Variants in SLC38A1 observed in about 807,000 individuals in gnomAD.
SLC38A1 encodes the protein solute carrier family 38 member 1, also known as sodium-coupled neutral amino acid symporter 1.
Under a neutral mutation model 60.3 loss-of-function variants are expected in SLC38A1, and 18 were observed. The observed-to-expected ratio is 0.30, with a 90% CI of 0.21 to 0.44. The LOEUF (loss-of-function observed/expected upper bound fraction) is 0.44. SLC38A1 is among the 20% of genes least tolerant of loss of function. SLC38A1 has a pLI of 1.00. For missense variants in SLC38A1, 448 were observed against 587.2 expected, an observed-to-expected ratio of 0.76 and a Z score of 2.45; for synonymous variants, 196 against 212.1, an observed-to-expected ratio of 0.92 and a Z score of 0.66.
chr12:46,225,634 A>C (rs957732610), intron 5 of SLC38A1, among the ~76,000 whole-genome samples: 3 of 152,182 alleles, frequency 2.0e-5, no homozygotes, highest in African/African-American at 7.2e-5. Flanking sequence ...GTGGTTCCCA[A>C]GTAAAGGAAC....
At chr12:46,250,613 T>C (rs1439586922) in intron 1 of SLC38A1, among the ~76,000 whole-genome samples, 1 of 152,218 alleles carries the variant, frequency 6.6e-6, no homozygotes, top group Non-Finnish European at 1.5e-5. Flanking sequence ...CAAAATCTCC[T>C]TAAGCTGATA....
intron 3 of SLC38A1, among the ~76,000 whole-genome samples, chr12:46,236,462 A>G (rs1173534720): frequency 2.0e-5 from 3 of 152,132 alleles, no homozygotes; most frequent in Non-Finnish European, 2.9e-5. Flanking sequence ...GAAAGGTATT[A>G]TTATTATCCC....
intron 5 of SLC38A1, among the ~76,000 whole-genome samples, chr12:46,211,226 C>T (rs780828375): frequency 2.6e-5 from 4 of 152,298 alleles, no homozygotes; most frequent in Non-Finnish European, 5.9e-5. Flanking sequence ...AGAGCACAGG[C>T]TTCCTAGTGG....
intron 7 of SLC38A1, 32 bp from the exon 8 acceptor site, chr12:46,207,268 A>G: frequency 6.4e-7 from 1 of 1,564,198 alleles, no homozygotes; most frequent in Middle Eastern, 1.7e-4. Flanking sequence ...TTTAGAAAGA[A>G]GATACGAAGG....
chr12:46,231,540 C>G (rs1486319845), intron 3 of SLC38A1, among the ~76,000 whole-genome samples: 1 of 152,176 alleles, frequency 6.6e-6, no homozygotes, highest in African/African-American at 2.4e-5. Context: ...AATTCAATTA[C>G]CTGATCATGG....
chr12:46,194,905 T>C (rs367745129), intron 16 of SLC38A1, among the ~76,000 whole-genome samples: 3 of 152,252 alleles, frequency 2.0e-5, no homozygotes, highest in East Asian at 3.9e-4. Flanking sequence ...GAGAAGTTTG[T>C]TATTACCAAC....
intron 16 of SLC38A1, among the ~76,000 whole-genome samples, chr12:46,195,090 T>C (rs1325426536): frequency 2.0e-5 from 3 of 152,226 alleles, no homozygotes; most frequent in Non-Finnish European, 4.4e-5. Flanking sequence ...CCTTTGGTCT[T>C]TGATGTTGGT....
intron 3 of SLC38A1, among the ~76,000 whole-genome samples, chr12:46,236,663 C>G (rs564810352): frequency 6.6e-6 from 1 of 152,122 alleles, no homozygotes; most frequent in African/African-American, 2.4e-5. Context: ...TGCCTAGACA[C>G]TAGGATAGGC....
intron 16 of SLC38A1, among the ~76,000 whole-genome samples, chr12:46,191,544 A>C (rs1939145887): frequency 6.6e-6 from 1 of 152,174 alleles, no homozygotes; most frequent in South Asian, 2.1e-4. Flanking sequence ...TTTTCATGAT[A>C]TTAATTCTTC....
At chr12:46,258,086 G>A (rs917868412) in intron 1 of SLC38A1, among the ~76,000 whole-genome samples, 2 of 152,168 alleles carry the variant, frequency 1.3e-5, no homozygotes, top group Non-Finnish European at 2.9e-5. Flanking sequence ...AAGCTGTCAT[G>A]GTGCTGGTGG....
At chr12:46,238,687 A>G (rs185716582) in intron 3 of SLC38A1, among the ~76,000 whole-genome samples, 294 of 152,134 alleles carry the variant, frequency 1.9e-3, no homozygotes, top group African/African-American at 6.7e-3. Flanking sequence ...ATTTGGTTCT[A>G]CTCTTGTGAT....
In SLC38A1 at chr12:46,268,656, G is replaced by A; in HGVS notation, c.-339C>T. The A allele has an allele frequency of 4.1e-6, 1 of 241,920 alleles. No homozygotes were observed. Among genetic ancestry groups the A allele is most frequent in the Non-Finnish European group, 9.0e-6 (1 of 110,530 alleles). 15.0% of individuals were successfully genotyped at this position (241,920 alleles called of 1,614,324 possible). A position where few individuals can be genotyped will look rare whatever the true frequency, so the allele number is the denominator to read the frequency against. The stretch of plus-strand genomic sequence containing the variant: ...CGGAGGCCGGGAAAATGTGGCCCCC[G>A]TCAGTAAGGGTTGGGCAGGGAGCTT... On this transcript the variant is annotated 5_prime_UTR_variant, in exon 1 of 17. In the 5' UTR this introduces an upstream ATG that the reference lacks. Transcript: ENST00000398637. The surrounding 1 kb of genome is among the most constrained non-coding windows in gnomAD (Gnocchi z 4.4).
At chr12:46,260,358 C>A (rs1942160371) in intron 1 of SLC38A1, among the ~76,000 whole-genome samples, 1 of 152,168 alleles carries the variant, frequency 6.6e-6, no homozygotes, top group Non-Finnish European at 1.5e-5. Context: ...TCTTTCAGAT[C>A]TTTCTTCCCA....
At chr12:46,246,442 C>A (rs771748437) in intron 1 of SLC38A1, among the ~76,000 whole-genome samples, 8 of 152,216 alleles carry the variant, frequency 5.3e-5, no homozygotes, top group Non-Finnish European at 7.3e-5. Flanking sequence ...CAGGCAGCAA[C>A]CTGGCAGCGG....
In SLC38A1 at chr12:46,229,144, A is replaced by G; in HGVS notation, c.314+9T>C. On this transcript the variant is annotated intron_variant, in intron 5 of 16. Transcript: ENST00000398637. ...TTAAAATGGAAAGTACCGGCACGTC[A>G]ATACTCACAGAAAAAGTAGGATTCC... 1 of 1,554,898 alleles carries G rather than the reference A, an allele frequency of 6.4e-7. No individual in the cohort carries two copies. The highest frequency in any genetic ancestry group is 2.2e-5 in the East Asian group (1 of 44,574).
chr12:46,186,641 A>C lies in SLC38A1; in HGVS notation c.*2329T>G, dbSNP rs1220962615. On this transcript the variant is annotated 3_prime_UTR_variant, in exon 17 of 17. Transcript: ENST00000398637. ...AACAACAAATTTAGAGAAACATACA[A>C]AGGTTTTTAAAAATATGGGTGGTGT... 6.6e-6 allele frequency: 1 copy of C among 152,214 alleles called. No individual in the cohort carries two copies. Among genetic ancestry groups the C allele is most frequent in the Non-Finnish European group, 1.5e-5 (1 of 68,038 alleles). 9.4% of individuals were successfully genotyped at this position (152,214 alleles called of 1,614,324 possible). A position where few individuals can be genotyped will look rare whatever the true frequency, so the allele number is the denominator to read the frequency against.
At chr12:46,218,754 C>G (rs1940526204) in intron 5 of SLC38A1, among the ~76,000 whole-genome samples, 1 of 152,014 alleles carries the variant, frequency 6.6e-6, no homozygotes, top group Admixed American at 6.6e-5. Flanking sequence ...ATTCGGGGAT[C>G]AGAGTTCTTA....
In SLC38A1 at chr12:46,233,348, A is replaced by G. The variant is rs78065841; in HGVS notation, c.123-3709T>C. ...CTAATCTGGCTAATTTTCATAACCA[A>G]CTCAAGTCTACTAAGTCTATCCAGC... On this transcript the variant is annotated intron_variant, in intron 3 of 16. Coordinates refer to ENST00000398637, the MANE Select transcript of SLC38A1 (RefSeq NM_030674.4). Among the ~76,000 whole-genome samples, 519 of 152,192 alleles carry G rather than the reference A, an allele frequency of 3.4e-3. 8 individuals carry two copies. The East Asian group carries it at 0.062, about 18-fold the overall frequency.
intron 16 of SLC38A1, among the ~76,000 whole-genome samples, chr12:46,195,468 T>G (rs1388789290): frequency 1.3e-5 from 2 of 152,196 alleles, no homozygotes; most frequent in African/African-American, 4.8e-5. Context: ...ACCATTGCTC[T>G]CTTTAGAGCC....
Sources: gnomAD v4.1 joint callset for allele counts (sites outside exome capture counted in the v4.1 genomes callset) on GRCh38, gnomAD v4.1.1 for gene constraint, Gnocchi (gnomAD v3.1) non-coding constraint, MANE v1.5 for transcripts, NCBI Gene and HGNC (gene_info 2026-07-23, HGNC 2026-07-21) for gene names.